TRAF3: variants seen among roughly 807,000 people sequenced by gnomAD.
The protein encoded by TRAF3 is TNF receptor associated factor 3, also known as TNF receptor-associated factor 3.
TRAF3 carries 13 observed loss-of-function variants against 62.3 expected under a neutral mutation model. The ratio of observed to expected loss-of-function variants is 0.21; its 90% CI spans 0.14 to 0.33. TRAF3 has a LOEUF of 0.33. Among genes scored for constraint, TRAF3 ranks in the 10% least tolerant of loss-of-function variants. TRAF3 has a pLI of 1.00. For synonymous variants in TRAF3, 269 were observed against 283.4 expected (o/e 0.95, Z 0.51); for missense variants, 440 against 741.8 (o/e 0.59, Z 4.73).
chr14:102,817,729 T>C (rs1326978983), intron 1 of TRAF3, among the ~76,000 whole-genome samples: 1 of 152,252 alleles, frequency 6.6e-6, no homozygotes. Context: ...TCCATTGAGT[T>C]GCTTCAAAGT....
intron 1 of TRAF3, among the ~76,000 whole-genome samples, chr14:102,780,076 G>A (rs1400059174): frequency 6.6e-6 from 1 of 152,166 alleles, no homozygotes; most frequent in Non-Finnish European, 1.5e-5. Flanking sequence ...CAGAGAAAGT[G>A]GGAAGAGTGA....
At position 102,891,324 on chromosome 14, in the gene TRAF3, G is replaced by A; in HGVS notation, c.727-1G>A. On this transcript the variant is annotated splice_acceptor_variant, in intron 8 of 11. Transcript: ENST00000392745. LOFTEE classifies it high-confidence loss of function. ...AATGCCTCACATGTTTGCTCTCGCA[G>A]GGGACAAACCAGCAGATCAAGGCCC... The A allele has an allele frequency of 6.2e-7, 1 of 1,612,712 alleles. No individual in the cohort carries two copies.
chr14:102,796,566 G>A (rs952933969), intron 1 of TRAF3, among the ~76,000 whole-genome samples: 5 of 152,240 alleles, frequency 3.3e-5, no homozygotes, highest in African/African-American at 9.6e-5. Context: ...CGACTGAACC[G>A]CCAACAGCTT....
chr14:102,778,138 G>A (rs1458644682), intron 1 of TRAF3, among the ~76,000 whole-genome samples: 1 of 150,924 alleles, frequency 6.6e-6, no homozygotes, highest in Non-Finnish European at 1.5e-5. Flanking sequence ...TGGAAAGTTG[G>A]TCCTGAGTCA....
At chr14:102,885,363 G>T (rs532089752) in intron 6 of TRAF3, among the ~76,000 whole-genome samples, 1 of 152,290 alleles carries the variant, frequency 6.6e-6, no homozygotes, top group East Asian at 1.9e-4. Context: ...GGCATCCTGT[G>T]GCCACTGGGA....
chr14:102,840,514 A>G (rs1160340631), intron 2 of TRAF3, among the ~76,000 whole-genome samples: 1 of 152,202 alleles, frequency 6.6e-6, no homozygotes, highest in African/African-American at 2.4e-5. Flanking sequence ...TATTGGAGTG[A>G]GCCACCACGC....
intron 2 of TRAF3, among the ~76,000 whole-genome samples, chr14:102,869,747 A>G (rs1193255035): frequency 1.3e-5 from 2 of 151,566 alleles, no homozygotes; most frequent in African/African-American, 4.8e-5. Flanking sequence ...CGGAGCTTGC[A>G]GTGAGCCAAG....
intron 1 of TRAF3, among the ~76,000 whole-genome samples, chr14:102,797,716 G>C (rs1352669337): frequency 6.6e-6 from 1 of 151,666 alleles, no homozygotes; most frequent in African/African-American, 2.4e-5. Flanking sequence ...TAAGGTTGAA[G>C]GCACTTGTAT....
At chr14:102,831,425 AT>A (rs1900677177) in intron 2 of TRAF3, among the ~76,000 whole-genome samples, 1 of 152,200 alleles carries the variant, frequency 6.6e-6, no homozygotes, top group Non-Finnish European at 1.5e-5. Context: ...GAGGTAAAAC[AT>A]TTTTCAAAGA....
At chr14:102,787,519 C>CA (rs775633084) in intron 1 of TRAF3, among the ~76,000 whole-genome samples, 444 of 112,860 alleles carry the variant, frequency 3.9e-3, no homozygotes, top group Middle Eastern at 0.015. Context: ...TCTACTAAAC[C>CA]AAAAAAAAAA....
intron 2 of TRAF3, among the ~76,000 whole-genome samples, chr14:102,855,928 C>T (rs1312948611): frequency 3.3e-5 from 5 of 151,696 alleles, no homozygotes; most frequent in African/African-American, 7.3e-5. Context: ...CCCGTCTCTA[C>T]AGACAATAAA....
chr14:102,782,013 C>G (rs763864887), intron 1 of TRAF3, among the ~76,000 whole-genome samples: 3 of 152,086 alleles, frequency 2.0e-5, no homozygotes, highest in Non-Finnish European at 4.4e-5. Context: ...AGGCTGGTCT[C>G]AAACTCCAGA....
chr14:102,870,399 C>T lies in TRAF3; in HGVS notation c.198C>T (p.Thr66=), dbSNP rs1275435989. ...CHLVLCSPKQ[T]ECGHRFCESC... ...TGGTGCTGTGCAGCCCGAAGCAGAC[C>T]GAGTGTGGGCACCGCTTCTGCGAGA... The change falls in exon 3 of 12, where the codon ACC becomes ACT. Residue 66 remains threonine, a synonymous_variant. Transcript: ENST00000392745. The T allele has an allele frequency of 1.3e-5, 21 of 1,613,984 alleles. No homozygotes were observed. The highest frequency in any genetic ancestry group is 4.5e-5 in the East Asian group (2 of 44,898).
intron 8 of TRAF3, 72 bp downstream of exon 8, chr14:102,889,706 T>G: frequency 6.5e-7 from 1 of 1,545,774 alleles, no homozygotes; most frequent in South Asian, 1.1e-5. Flanking sequence ...TATTAACATT[T>G]TAACATGCAA....
At chr14:102,794,669 A>G (rs1241447563) in intron 1 of TRAF3, among the ~76,000 whole-genome samples, 1 of 152,206 alleles carries the variant, frequency 6.6e-6, no homozygotes, top group African/African-American at 2.4e-5. Context: ...GCTAGATTCC[A>G]TAGTGCTCTC....
At chr14:102,781,819 G>A (rs1490404042) in intron 1 of TRAF3, among the ~76,000 whole-genome samples, 1 of 144,386 alleles carries the variant, frequency 6.9e-6, no homozygotes, top group Non-Finnish European at 1.5e-5. Flanking sequence ...TTGAGACAGA[G>A]TCTCACTCTG....
rs114176289 is a variant in TRAF3 at position 102,857,130 on chromosome 14, G to A, written c.-17-13055G>A. Among the ~76,000 whole-genome samples the A allele has an allele frequency of 1.7e-3, 265 of 152,278 alleles. 1 individual carries two copies. The highest frequency in any genetic ancestry group is 6.1e-3 in the African/African-American group (255 of 41,552). ...AAACTGATACATCGGGTTGCTAGCC[G>A]ACTCCAGTATGTGCCCAGAATTAGA... On this transcript the variant is annotated intron_variant, in intron 2 of 11. Transcript: ENST00000392745.
intron 1 of TRAF3, among the ~76,000 whole-genome samples, chr14:102,795,616 G>A (rs78232933): frequency 2.8e-4 from 42 of 151,868 alleles, no homozygotes; most frequent in African/African-American, 9.4e-4. Context: ...GTGTGTGTGT[G>A]TGTGCATAGT....
At chr14:102,813,580 A>G (rs1899333342) in intron 1 of TRAF3, among the ~76,000 whole-genome samples, 1 of 151,508 alleles carries the variant, frequency 6.6e-6, no homozygotes, top group Non-Finnish European at 1.5e-5. Flanking sequence ...CCTCTTGAGT[A>G]GCTGGGACTA....
Sources: allele counts gnomAD v4.1 joint callset (sites outside exome capture counted in the v4.1 genomes callset), GRCh38; gene constraint gnomAD v4.1.1; transcripts MANE v1.5; gene names NCBI Gene and HGNC (gene_info 2026-07-23, HGNC 2026-07-21).